The following ABHD2 variants were observed in gnomAD, a reference collection of about 807,000 sequenced individuals.
ABHD2 encodes monoacylglycerol lipase ABHD2.
A neutral mutation model predicts 48.1 loss-of-function variants in ABHD2; 20 were observed. That is an observed-to-expected ratio of 0.42 (90% confidence interval 0.29 to 0.60). The LOEUF (loss-of-function observed/expected upper bound fraction) is 0.60, where lower values mean the gene tolerates loss of function less well. Among genes scored for constraint, ABHD2 ranks in the 20% least tolerant of loss-of-function variants. ABHD2 has a pLI of 0.24. For missense variants in ABHD2, 405 were observed against 550.9 expected (o/e 0.74, Z 2.65); for synonymous variants, 209 against 214.2 (o/e 0.98, Z 0.21).
At chr15:89,126,092 C>G (rs549240798) in intron 3 of ABHD2, among the ~76,000 whole-genome samples, 10 of 152,222 alleles carry the variant, frequency 6.6e-5, no homozygotes, top group African/African-American at 2.4e-4. Context: ...TTCATCATAC[C>G]TGAGTTTACT....
Position 89,195,220 on chromosome 15 carries a change from C to G in ABHD2, c.1082-7C>G, listed in dbSNP as rs906115234. On this transcript the variant is annotated splice_region_variant and splice_polypyrimidine_tract_variant and intron_variant, in intron 10 of 10. Transcript: ENST00000352732. The surrounding 1 kb of genome is among the most constrained non-coding windows in gnomAD (Gnocchi z 5.1). ...CAGTAACTCACTCAGCTGCGTTTCCCCTGCAGAGAAACGAGAGAACGTCAT... is the reference window on the plus strand; with the variant it reads ...CAGTAACTCACTCAGCTGCGTTTCCGCTGCAGAGAAACGAGAGAACGTCAT... 14 of 1,611,938 alleles carry G rather than the reference C, an allele frequency of 8.7e-6. No homozygotes were observed. The highest frequency in any genetic ancestry group is 6.7e-5 in the Admixed American group (4 of 59,870).
the ABHD2 span, among the ~76,000 whole-genome samples, chr15:89,078,725 CTT>C: frequency 1.3e-4 from 18 of 143,678 alleles, no homozygotes; most frequent in Admixed American, 3.5e-4. Context: ...ACAATGTAGG[CTT>C]TTTTTTTTTC....
chr15:89,153,421 C>G (rs1211239761), intron 4 of ABHD2, among the ~76,000 whole-genome samples: 1 of 152,088 alleles, frequency 6.6e-6, no homozygotes, highest in Non-Finnish European at 1.5e-5. Context: ...TTCACCATAC[C>G]CAGTTAAATG....
In ABHD2 at chr15:89,106,648, C is replaced by G. The variant is rs998045103; in HGVS notation, c.-106-7077C>G. ...CGTCCCTGCAGAATGGTTTTTTTCC[C>G]CCTATGATGGCTCTGACTAATTTAG... On this transcript the variant is annotated intron_variant, in intron 1 of 10. Transcript: ENST00000352732. This position sits in a 1 kb window ranked among gnomAD's most constrained non-coding sequence, Gnocchi z 4.2. Among the ~76,000 whole-genome samples the G allele has an allele frequency of 2.6e-5, 4 of 152,122 alleles. No homozygotes were observed. The highest frequency in any genetic ancestry group is 4.4e-5 in the Non-Finnish European group (3 of 68,030).
chr15:89,175,257 C>T lies in ABHD2; in HGVS notation c.539-555C>T, dbSNP rs1373907889. Among the ~76,000 whole-genome samples, 1 of 152,192 alleles carries T rather than the reference C, an allele frequency of 6.6e-6. No homozygotes were observed. The highest frequency in any genetic ancestry group is 1.5e-5 in the Non-Finnish European group (1 of 68,030). On this transcript the variant is annotated intron_variant, in intron 5 of 10. Coordinates refer to ENST00000352732, the MANE Select transcript of ABHD2 (RefSeq NM_152924.5). The surrounding 1 kb of genome is among the most constrained non-coding windows in gnomAD (Gnocchi z 5.7). ...TTTATTTTTTTGAGACAGGGTCTCA[C>T]TCTGTCACCCAGGCTGGAGTGCAGT...
At chr15:89,126,949 C>T (rs1382076873) in intron 3 of ABHD2, among the ~76,000 whole-genome samples, 1 of 152,034 alleles carries the variant, frequency 6.6e-6, no homozygotes, top group Non-Finnish European at 1.5e-5. Context: ...GGAAATCTAC[C>T]CCTCCATGAA....
chr15:89,127,743 A>G (rs1189866416), intron 3 of ABHD2, among the ~76,000 whole-genome samples: 1 of 146,254 alleles, frequency 6.8e-6, no homozygotes, highest in Non-Finnish European at 1.5e-5. Flanking sequence ...ATATATATGT[A>G]TATTTTAAAA....
In ABHD2 at chr15:89,174,516, A is replaced by G. The variant is rs2050979786; in HGVS notation, c.539-1296A>G. Reference sequence around the variant, plus strand: ...GGCCTGGCTTAGGCTACATCCTACCACAAAAGAAGACAGATATAAGGGGAG... The same window carrying G: ...GGCCTGGCTTAGGCTACATCCTACCGCAAAAGAAGACAGATATAAGGGGAG... On this transcript the variant is annotated intron_variant, in intron 5 of 10. Coordinates refer to ENST00000352732, the MANE Select transcript of ABHD2 (RefSeq NM_152924.5). The surrounding 1 kb of genome is among the most constrained non-coding windows in gnomAD (Gnocchi z 4.1). 2.0e-5 allele frequency among the ~76,000 whole-genome samples: 3 copies of G among 152,154 alleles called. No homozygotes were observed. Among genetic ancestry groups the G allele is most frequent in the Admixed American group, 2.0e-4 (3 of 15,278 alleles).
chr15:89,136,718 C>G (rs1405995578), intron 3 of ABHD2, among the ~76,000 whole-genome samples: 1 of 152,198 alleles, frequency 6.6e-6, no homozygotes, highest in Admixed American at 6.5e-5. Context: ...GTAGGTAATC[C>G]AGGGGCTTCA....
At chr15:89,128,027 A>T (rs1296802022) in intron 3 of ABHD2, among the ~76,000 whole-genome samples, 1 of 152,152 alleles carries the variant, frequency 6.6e-6, no homozygotes, top group African/African-American at 2.4e-5. Flanking sequence ...GTATTCTGAG[A>T]GGCTTAAGGA....
the ABHD2 span, among the ~76,000 whole-genome samples, chr15:89,059,798 CTT>C: frequency 6.6e-6 from 1 of 152,126 alleles, no homozygotes; most frequent in Non-Finnish European, 1.5e-5. Context: ...AAATGGGAAA[CTT>C]GAGTCTCCTA....
intron 3 of ABHD2, among the ~76,000 whole-genome samples, chr15:89,145,116 C>T (rs866760338): frequency 6.6e-6 from 1 of 152,140 alleles, no homozygotes; most frequent in African/African-American, 2.4e-5. Context: ...ATTAGCCAGG[C>T]GTGGTGGCAG....
At chr15:89,136,116 A>C in intron 3 of ABHD2, 1 of 190,446 alleles carries the variant, frequency 5.3e-6, no homozygotes, top group South Asian at 7.7e-5. Flanking sequence ...TTCAGTAGAG[A>C]CGGGCTTTCA....
rs751478048 is a variant in ABHD2 at position 89,155,419 on chromosome 15, A to G, written c.423A>G (p.Gln141=). ...CPGIANHSEK[Q]YIRTFVDYAQ... ...GAATTGCCAATCACAGCGAGAAGCAATACATCCGCACTTTCGTTGACTACG... is the reference window on the plus strand; with the variant it reads ...GAATTGCCAATCACAGCGAGAAGCAGTACATCCGCACTTTCGTTGACTACG... Residue 141 remains glutamine (Q), a synonymous_variant, in exon 5 of 11, where the codon CAA becomes CAG. Coordinates refer to ENST00000352732, the MANE Select transcript of ABHD2 (RefSeq NM_152924.5). The surrounding 1 kb of genome is among the most constrained non-coding windows in gnomAD (Gnocchi z 4.9). 6.2e-7 allele frequency: 1 copy of G among 1,614,154 alleles called. No homozygotes were observed. The highest frequency in any genetic ancestry group is 1.1e-5 in the South Asian group (1 of 91,076).
the ABHD2 span, among the ~76,000 whole-genome samples, chr15:89,072,132 G>C: frequency 6.6e-3 from 1,010 of 152,292 alleles, 15 homozygotes; most frequent in African/African-American, 0.023. Flanking sequence ...CTTGGTCACA[G>C]AATGAGGAGG....
At position 89,143,499 on chromosome 15, in the gene ABHD2, C is replaced by G. The variant is rs187795803; in HGVS notation, c.195-8178C>G. ...CCTGACCAACATGGAGAAACCCCGTCTGTACTAAAAATACAAAATTAGCTG... is the reference window on the plus strand; with the variant it reads ...CCTGACCAACATGGAGAAACCCCGTGTGTACTAAAAATACAAAATTAGCTG... On this transcript the variant is annotated intron_variant, in intron 3 of 10. Coordinates refer to ENST00000352732, the MANE Select transcript of ABHD2 (RefSeq NM_152924.5). Among the ~76,000 whole-genome samples, 633 of 152,258 alleles carry G rather than the reference C, an allele frequency of 4.2e-3. 2 individuals are homozygous for G. Among genetic ancestry groups the G allele is most frequent in the Non-Finnish European group, 6.2e-3 (425 of 68,022 alleles).
At chr15:89,055,239 T>C in the ABHD2 span, among the ~76,000 whole-genome samples, 1 of 152,182 alleles carries the variant, frequency 6.6e-6, no homozygotes, top group Non-Finnish European at 1.5e-5. Flanking sequence ...GTAATTTAGT[T>C]TGTGTCCAGT....
At chr15:89,062,967 CT>C in the ABHD2 span, among the ~76,000 whole-genome samples, 832 of 129,360 alleles carry the variant, frequency 6.4e-3, 2 homozygotes, top group African/African-American at 0.013. Context: ...ATTGCTGCTG[CT>C]TTTTTTTTTT....
the ABHD2 span, among the ~76,000 whole-genome samples, chr15:89,078,045 C>G: frequency 6.6e-6 from 1 of 152,108 alleles, no homozygotes; most frequent in Non-Finnish European, 1.5e-5. Flanking sequence ...GTAAATTTAC[C>G]TTTCTCTCCC....
Sources: gnomAD v4.1 joint callset for allele counts (sites outside exome capture counted in the v4.1 genomes callset) on GRCh38, gnomAD v4.1.1 for gene constraint, Gnocchi (gnomAD v3.1) non-coding constraint, MANE v1.5 for transcripts, NCBI Gene and HGNC (gene_info 2026-07-23, HGNC 2026-07-21) for gene names.